TDRD9: variants seen among roughly 807,000 people sequenced by gnomAD.
TDRD9 encodes the protein tudor domain containing 9.
TDRD9 carries 124 observed loss-of-function variants against 172.6 expected under a neutral mutation model. That is an observed-to-expected ratio of 0.72 (90% confidence interval 0.62 to 0.83). TDRD9 has a LOEUF of 0.83. Among genes scored for constraint, TDRD9 ranks in the 40% least tolerant of loss-of-function variants. The probability of loss-of-function intolerance (pLI) is 0.00; values close to 1 mark genes in which losing one functional copy is unlikely to be tolerated. For synonymous variants in TDRD9, 619 were observed against 617.1 expected (o/e 1.00, Z -0.05); for missense variants, 1,479 against 1,714.1 (o/e 0.86, Z 2.42).
intron 8 of TDRD9, among the ~76,000 whole-genome samples, chr14:103,986,807 G>A (rs931058238): frequency 5.9e-5 from 9 of 152,080 alleles, no homozygotes; most frequent in African/African-American, 2.2e-4. Context: ...TATAAGTGGT[G>A]ACTAGAGTTT....
chr14:103,966,409 CT>C (rs1487639189), intron 4 of TDRD9, among the ~76,000 whole-genome samples: 2 of 152,112 alleles, frequency 1.3e-5, no homozygotes, highest in Non-Finnish European at 2.9e-5. Flanking sequence ...AATTCTCATG[CT>C]TATGGCTTTT....
intron 5 of TDRD9, 46 bp downstream of exon 5, chr14:103,966,877 A>T: frequency 6.6e-7 from 1 of 1,508,414 alleles, no homozygotes; most frequent in Non-Finnish European, 8.9e-7. Flanking sequence ...ATCTCTCTTA[A>T]AAAAACTCTC....
intron 34 of TDRD9, among the ~76,000 whole-genome samples, chr14:104,049,164 A>T (rs10136537): frequency 1 from 151,854 of 151,992 alleles, 75,858 homozygotes; most frequent in Middle Eastern, 1. Flanking sequence ...GTATGTATGT[A>T]TACAGTTTTG....
chr14:103,940,044 C>CT (rs1362695496), intron 1 of TDRD9, among the ~76,000 whole-genome samples: 4 of 151,914 alleles, frequency 2.6e-5, no homozygotes, highest in Non-Finnish European at 5.9e-5. Flanking sequence ...TAAAAAAAAT[C>CT]TGACTAATGT....
chr14:104,046,505 C>A (rs2140933090), intron 34 of TDRD9, among the ~76,000 whole-genome samples: 1 of 152,144 alleles, frequency 6.6e-6, no homozygotes, highest in South Asian at 2.1e-4. Flanking sequence ...TGCCTTGGTA[C>A]CTTGGTCAAA....
intron 13 of TDRD9, among the ~76,000 whole-genome samples, chr14:104,001,339 T>C (rs1018596835): frequency 6.6e-6 from 1 of 152,234 alleles, no homozygotes; most frequent in East Asian, 1.9e-4. Flanking sequence ...CTTTTGAAAT[T>C]AGCTTTTTCC....
At chr14:103,934,665 C>T (rs2030635617) in intron 1 of TDRD9, among the ~76,000 whole-genome samples, 1 of 152,200 alleles carries the variant, frequency 6.6e-6, no homozygotes, top group African/African-American at 2.4e-5. Flanking sequence ...GCCTGTAGTC[C>T]CCGCTACTCG....
chr14:103,953,541 C>T (rs1422370997), intron 1 of TDRD9, among the ~76,000 whole-genome samples: 2 of 149,260 alleles, frequency 1.3e-5, no homozygotes, highest in African/African-American at 2.5e-5. Context: ...ACTTGGTGCA[C>T]GTGATTATGG....
At chr14:104,045,114 G>A (rs1394524976) in intron 34 of TDRD9, among the ~76,000 whole-genome samples, 1 of 151,140 alleles carries the variant, frequency 6.6e-6, no homozygotes, top group African/African-American at 2.4e-5. Flanking sequence ...TTGCACTCCA[G>A]CCTGGGTGAC....
intron 33 of TDRD9, 91 bp downstream of exon 33, chr14:104,040,425 G>A: frequency 1.5e-6 from 2 of 1,313,942 alleles, no homozygotes; most frequent in South Asian, 2.1e-5. Flanking sequence ...TGTGGAGCTC[G>A]CGGTGCAGAC....
intron 7 of TDRD9, among the ~76,000 whole-genome samples, chr14:103,985,465 G>A (rs1313439423): frequency 2.0e-5 from 3 of 152,190 alleles, no homozygotes; most frequent in Non-Finnish European, 4.4e-5. Context: ...GGAACTGTAA[G>A]TCCAGTAAAC....
intron 5 of TDRD9, among the ~76,000 whole-genome samples, chr14:103,969,671 T>C (rs1248946982): frequency 6.6e-6 from 1 of 152,224 alleles, no homozygotes; most frequent in Non-Finnish European, 1.5e-5. Flanking sequence ...TGAAACTTAG[T>C]AATTATCTCT....
At chr14:103,982,032 AC>A (rs528561292) in intron 7 of TDRD9, among the ~76,000 whole-genome samples, 8 of 151,974 alleles carry the variant, frequency 5.3e-5, no homozygotes, top group African/African-American at 7.3e-5. Flanking sequence ...TTGTCATGTT[AC>A]CTCACCACAC....
rs781025335 is a variant in TDRD9 at position 104,040,328 on chromosome 14, C to A, written c.3849C>A (p.Val1283=). The part of the protein sequence containing the change: ...AFDVQFSVED[V]VEVNILRAAI... ...ACGTTCAATTCAGCGTGGAGGATGT[C>A]GTCGAGGTAAGGGTAGTGCAGCATC... The change falls in exon 33 of 36, where the codon GTC becomes GTA. Residue 1283 remains valine, a synonymous_variant. Coordinates refer to ENST00000409874, the MANE Select transcript of TDRD9 (RefSeq NM_153046.3). 3.9e-6 allele frequency: 6 copies of A among 1,549,378 alleles called. No homozygotes were observed. In the South Asian group the frequency reaches 7.2e-5, roughly 19 times the overall value.
intron 12 of TDRD9, among the ~76,000 whole-genome samples, chr14:103,996,740 C>T (rs1374166722): frequency 2.0e-5 from 3 of 152,006 alleles, no homozygotes; most frequent in South Asian, 2.1e-4. Flanking sequence ...ATGACACATT[C>T]GGGGTGGGTA....
chr14:104,016,325 T>C (rs573204146), intron 22 of TDRD9, among the ~76,000 whole-genome samples: 3 of 152,312 alleles, frequency 2.0e-5, no homozygotes, highest in Admixed American at 2.0e-4. Context: ...CTTGAGAGTT[T>C]ATACGTTCAA....
At chr14:104,026,991 GC>G in intron 28 of TDRD9, 52 bp downstream of exon 28, 3 of 1,582,572 alleles carry the variant, frequency 1.9e-6, no homozygotes, top group Non-Finnish European at 2.6e-6. Flanking sequence ...AGAGAACGGG[GC>G]AGGCTTTCCT....
At chr14:104,017,964 T>A in intron 22 of TDRD9, 128 bp from the exon 23 acceptor site, 1 of 627,380 alleles carries the variant, frequency 1.6e-6, no homozygotes, top group Non-Finnish European at 2.8e-6. Context: ...AGTTTATATA[T>A]TATGGTTAAA....
intron 8 of TDRD9, among the ~76,000 whole-genome samples, chr14:103,987,029 G>T (rs1297279356): frequency 6.6e-6 from 1 of 152,028 alleles, no homozygotes; most frequent in African/African-American, 2.4e-5. Context: ...CAGAGGAATC[G>T]CTTGAACCTG....
Sources: allele counts gnomAD v4.1 joint callset (sites outside exome capture counted in the v4.1 genomes callset), GRCh38; gene constraint gnomAD v4.1.1; transcripts MANE v1.5; gene names NCBI Gene and HGNC (gene_info 2026-07-23, HGNC 2026-07-21).